Variants in TMEM17 observed in about 807,000 individuals in gnomAD.
TMEM17 encodes transmembrane protein 17.
Under a neutral mutation model 19.1 loss-of-function variants are expected in TMEM17, and 15 were observed. The observed-to-expected ratio is 0.78, with a 90% confidence interval of 0.52 to 1.21. The LOEUF (loss-of-function observed/expected upper bound fraction) is 1.21. Among genes scored for constraint, TMEM17 ranks in the 50% most tolerant of loss-of-function variants. The pLI is 0.00. For missense variants in TMEM17, 245 were observed against 242.3 expected, an observed-to-expected ratio of 1.01 and a Z score of -0.07; for synonymous variants, 103 against 86.9, an observed-to-expected ratio of 1.19 and a Z score of -1.03.
chr2:62,491,557 T>G, the TMEM17 span: 3 of 152,204 alleles, frequency 2.0e-5, no homozygotes, highest in African/African-American at 7.2e-5. Flanking sequence ...GCTTTGGAAT[T>G]AGACATGCCT....
At position 62,502,761 on chromosome 2, in the gene TMEM17, A is replaced by G; in HGVS notation, c.134T>C (p.Met45Thr). 1 of 1,608,410 alleles carries G rather than the reference A, an allele frequency of 6.2e-7. No individual in the cohort carries two copies. The highest frequency in any genetic ancestry group is 1.3e-5 in the African/African-American group (1 of 74,770). The change falls in exon 2 of 4, where the codon ATG becomes ACG. Residue 45 changes from methionine (M) to threonine (T), a missense_variant. Physicochemically the swap from Met to Thr is moderately conservative, Grantham distance 81 (BLOSUM62 -1). Coordinates refer to ENST00000335390, the MANE Select transcript of TMEM17 (RefSeq NM_198276.3). ...ATAGTAGGTATTAAAATAAAGTGAC[A>G]TCTGCAGTGCCAAACTGGAGACCAT... ...NEMVSSLALQ[M>T]SLYFNTYYFP...
chr2:62,493,814 T>C, the TMEM17 span, among the ~76,000 whole-genome samples: 2 of 152,244 alleles, frequency 1.3e-5, no homozygotes, highest in Admixed American at 6.5e-5. Flanking sequence ...AAACTCTTTA[T>C]AATAATCTAT....
chr2:62,499,412 C>A (rs1679862139), downstream of TMEM17, among the ~76,000 whole-genome samples: 1 of 152,108 alleles, frequency 6.6e-6, no homozygotes, highest in Non-Finnish European at 1.5e-5. Flanking sequence ...CAAATGCAAA[C>A]AAATATGTTT....
At chr2:62,477,561 G>A in the TMEM17 span, among the ~76,000 whole-genome samples, 1 of 152,180 alleles carries the variant, frequency 6.6e-6, no homozygotes, top group Non-Finnish European at 1.5e-5. Flanking sequence ...TCCCATTAGT[G>A]TCCACAGCAT....
At chr2:62,487,109 T>C in the TMEM17 span, among the ~76,000 whole-genome samples, 1 of 152,304 alleles carries the variant, frequency 6.6e-6, no homozygotes, top group East Asian at 1.9e-4. Context: ...ACCATGCATA[T>C]TTATTATCTT....
At chr2:62,459,387 T>C in the TMEM17 span, among the ~76,000 whole-genome samples, 1 of 152,366 alleles carries the variant, frequency 6.6e-6, no homozygotes, top group African/African-American at 2.4e-5. Context: ...AAGGAATAGT[T>C]GAGGCCTTTG....
intron 1 of TMEM17, 83 bp downstream of exon 1, chr2:62,505,947 G>C (rs1362727832): frequency 1.2e-5 from 15 of 1,301,754 alleles, no homozygotes; most frequent in Non-Finnish European, 1.6e-5. Flanking sequence ...GCCATTTTAG[G>C]TACGGGCAAA....
At chr2:62,494,185 CTAAT>C in the TMEM17 span, among the ~76,000 whole-genome samples, 1 of 152,172 alleles carries the variant, frequency 6.6e-6, no homozygotes, top group Admixed American at 6.5e-5. Flanking sequence ...ATTGTTGTAG[CTAAT>C]TAAATTGTTG....
chr2:62,475,488 T>C, the TMEM17 span, among the ~76,000 whole-genome samples: 1 of 152,250 alleles, frequency 6.6e-6, no homozygotes, highest in Admixed American at 6.5e-5. Context: ...TCTAGGCTGC[T>C]GCTCCCTGGC....
chr2:62,476,396 C>T, the TMEM17 span, among the ~76,000 whole-genome samples: 3 of 152,182 alleles, frequency 2.0e-5, no homozygotes, highest in African/African-American at 7.2e-5. Flanking sequence ...AAGATGGCTG[C>T]TCTTCAGTGA....
chr2:62,489,519 T>C, the TMEM17 span, among the ~76,000 whole-genome samples: 1 of 152,356 alleles, frequency 6.6e-6, no homozygotes, highest in South Asian at 2.1e-4. Context: ...ATTATTCTTG[T>C]ATTTTTGTTT....
intron 3 of TMEM17, 64 bp from the exon 4 acceptor site, chr2:62,501,551 A>G: frequency 1.3e-6 from 2 of 1,488,344 alleles, no homozygotes; most frequent in Non-Finnish European, 1.8e-6. Context: ...TATACAGATA[A>G]ACAAGTACTT....
chr2:62,468,831 G>C, the TMEM17 span, among the ~76,000 whole-genome samples: 12 of 152,214 alleles, frequency 7.9e-5, no homozygotes, highest in Non-Finnish European at 1.6e-4. Flanking sequence ...GAGGTGGGAG[G>C]GGACTAGCTA....
At chr2:62,469,262 A>G in the TMEM17 span, among the ~76,000 whole-genome samples, 22 of 152,180 alleles carry the variant, frequency 1.4e-4, no homozygotes, top group African/African-American at 5.3e-4. Context: ...CTCTTCCCTC[A>G]AAGAGGACCC....
chr2:62,456,134 G>A, the TMEM17 span, among the ~76,000 whole-genome samples: 1 of 152,240 alleles, frequency 6.6e-6, no homozygotes, highest in Non-Finnish European at 1.5e-5. Context: ...GAGTCAGAGA[G>A]TAAAGGGTCA....
rs961770169 is a variant in TMEM17 at position 62,506,050 on chromosome 2, G to A, written c.80C>T (p.Pro27Leu). 4 of 1,611,176 alleles carry A rather than the reference G, an allele frequency of 2.5e-6. No homozygotes were observed. The highest frequency in any genetic ancestry group is 3.3e-5 in the Admixed American group (2 of 59,834). Residue 27 changes from proline to leucine, a missense_variant, in exon 1 of 4, where the codon CCA becomes CTA. Pro to Leu is a moderately conservative substitution (Grantham distance 98). Transcript: ENST00000335390. ...CTCACCCGGACCCTCATTGGACTCT[G>A]GACCGGTCCGATTGGAATCACTGAA... Reference protein sequence around the residue: ...AVFSDSNRTGPESNEGPENEM... With the variant: ...AVFSDSNRTGLESNEGPENEM...
downstream of TMEM17, among the ~76,000 whole-genome samples, chr2:62,500,010 C>G (rs1453846957): frequency 6.6e-6 from 1 of 152,182 alleles, no homozygotes; most frequent in Non-Finnish European, 1.5e-5. Context: ...GTTTCCAAAT[C>G]AAGCCTCACG....
chr2:62,490,892 C>G, the TMEM17 span, among the ~76,000 whole-genome samples: 1 of 151,986 alleles, frequency 6.6e-6, no homozygotes, highest in Admixed American at 6.6e-5. Context: ...GCCTGACCCA[C>G]ATGGTGAGAC....
the TMEM17 span, among the ~76,000 whole-genome samples, chr2:62,458,094 C>A: frequency 9.2e-5 from 14 of 152,296 alleles, no homozygotes; most frequent in East Asian, 1.5e-3. Flanking sequence ...ACACTTACTG[C>A]AGATGGGGAA....
Sources: gnomAD v4.1 joint callset for allele counts (sites outside exome capture counted in the v4.1 genomes callset) on GRCh38, gnomAD v4.1.1 for gene constraint, MANE v1.5 for transcripts, NCBI Gene and HGNC (gene_info 2026-07-23, HGNC 2026-07-21) for gene names.